Variants in CCDC171 observed in about 807,000 individuals in gnomAD.
CCDC171 encodes coiled-coil domain-containing protein 171.
CCDC171 carries 177 observed loss-of-function variants against 168.2 expected under a neutral mutation model. That is an observed-to-expected ratio of 1.05 (90% confidence interval 0.93 to 1.19). The LOEUF (loss-of-function observed/expected upper bound fraction) is 1.19. Ranked by LOEUF, CCDC171 falls within the 50% of genes most tolerant of loss-of-function variation. The pLI is 0.00. For synonymous variants in CCDC171, 687 were observed against 540.8 expected (o/e 1.27, Z -3.75); for missense variants, 1,991 against 1,539.0 (o/e 1.29, Z -4.91).
At chr9:15,888,949 C>CTTTTTTTTTTTTTTTTTT (rs371508341) in intron 24 of CCDC171, 4 of 73,344 alleles carry the variant, frequency 5.5e-5, no homozygotes, top group South Asian at 5.5e-4. Flanking sequence ...TTTTTCTTTT[C>CTTTTTTTTTTTTTTTTTT]TTTTTTTTTT....
At chr9:15,995,001 C>G (rs61073421) in intron 3 of CCDC171, among the ~76,000 whole-genome samples, 11,632 of 152,170 alleles carry the variant, frequency 0.076, 1,456 homozygotes, top group African/African-American at 0.27. Context: ...AGAGGTTGTG[C>G]CAGGCATGCC....
chr9:15,671,187 C>G (rs1350360070), intron 9 of CCDC171, among the ~76,000 whole-genome samples: 1 of 152,064 alleles, frequency 6.6e-6, no homozygotes, highest in Non-Finnish European at 1.5e-5. Flanking sequence ...TGTGATTAAC[C>G]AATCACTTAT....
chr9:15,832,389 G>T (rs577995776), intron 21 of CCDC171, among the ~76,000 whole-genome samples: 1 of 152,220 alleles, frequency 6.6e-6, no homozygotes, highest in South Asian at 2.1e-4. Flanking sequence ...CAATTTTGTT[G>T]TACAAACATC....
intron 23 of CCDC171, among the ~76,000 whole-genome samples, chr9:15,852,672 T>C (rs983369918): frequency 1.3e-5 from 2 of 151,744 alleles, no homozygotes; most frequent in Non-Finnish European, 3.0e-5. Context: ...GTCGTGAAGC[T>C]TTCCCCTCTG....
In CCDC171 at chr9:15,874,527, T is replaced by C. The variant is rs932928980; in HGVS notation, c.3469-5T>C. On this transcript the variant is annotated splice_polypyrimidine_tract_variant and splice_region_variant and intron_variant, in intron 23 of 25. Transcript: ENST00000380701. ...TTACCATTGATGCTGTTTTTTTCCC[T>C]TTAGGTCAGAGATCAGATCTCGCTG... 8.4e-5 allele frequency: 133 copies of C among 1,590,036 alleles called. No homozygotes were observed. The highest frequency in any genetic ancestry group is 1.1e-4 in the Non-Finnish European group (124 of 1,168,906).
chr9:16,105,471 C>A, the CCDC171 span, among the ~76,000 whole-genome samples: 3 of 152,220 alleles, frequency 2.0e-5, 1 homozygote. Context: ...TTCTCTTTTT[C>A]AGTGGCACTG....
chr9:15,889,017 A>C (rs1179173269), intron 24 of CCDC171: 1 of 126,976 alleles, frequency 7.9e-6, no homozygotes, highest in Non-Finnish European at 1.5e-5. Flanking sequence ...GGAGTGCAGC[A>C]GTGCGATCTC....
At position 15,745,728 on chromosome 9, in the gene CCDC171, A is replaced by C. The variant is rs2055226161; in HGVS notation, c.2671+97A>C. The C allele has an allele frequency of 6.2e-6, 4 of 646,402 alleles. No individual in the cohort carries two copies. The East Asian group carries it at 1.2e-4, about 19-fold the overall frequency. The allele number at this position is 646,402 out of a possible 1,614,324, so 40.0% of individuals were successfully genotyped here. ...AATTCTAATAAAACATATAGGGGGA[A>C]ATATATTTGTTTTTATCTTTATTTT... On this transcript the variant is annotated intron_variant, in intron 18 of 25. Transcript: ENST00000380701.
upstream of CCDC171, among the ~76,000 whole-genome samples, chr9:16,038,836 G>C (rs1476483192): frequency 3.5e-4 from 3 of 8,650 alleles, no homozygotes; most frequent in South Asian, 2.7e-3. Flanking sequence ...AACAAAAACA[G>C]AAAAAAAAAT....
upstream of CCDC171, among the ~76,000 whole-genome samples, chr9:16,041,404 G>A (rs900164091): frequency 2.0e-5 from 3 of 152,204 alleles, no homozygotes; most frequent in African/African-American, 7.2e-5. Context: ...GCTCATGCAG[G>A]AGAAAAGGAA....
chr9:15,815,248 T>C (rs9406537), intron 21 of CCDC171, among the ~76,000 whole-genome samples: 69,715 of 151,628 alleles, frequency 0.46, 16,356 homozygotes, highest in African/African-American at 0.53. Flanking sequence ...TCCTTGCCTT[T>C]CTGTAGCTGC....
intron 25 of CCDC171, among the ~76,000 whole-genome samples, chr9:15,954,049 T>G (rs1333953676): frequency 1.3e-5 from 2 of 151,968 alleles, no homozygotes; most frequent in African/African-American, 4.8e-5. Flanking sequence ...ATTAGTAATT[T>G]GAGTTTCTTT....
intron 25 of CCDC171, among the ~76,000 whole-genome samples, chr9:15,923,838 A>G (rs538080315): frequency 6.6e-6 from 1 of 151,504 alleles, no homozygotes; most frequent in African/African-American, 2.4e-5. Flanking sequence ...GGTTATTGTT[A>G]TTAGTTTAGT....
At chr9:15,783,706 T>C (rs574957433) in intron 20 of CCDC171, among the ~76,000 whole-genome samples, 27 of 152,350 alleles carry the variant, frequency 1.8e-4, no homozygotes, top group Admixed American at 1.3e-3. Context: ...CCTTGGATTC[T>C]CCATCCCTGT....
intron 25 of CCDC171, among the ~76,000 whole-genome samples, chr9:15,923,011 G>C (rs948190700): frequency 1.3e-5 from 2 of 151,590 alleles, no homozygotes; most frequent in African/African-American, 4.8e-5. Flanking sequence ...CCTGTAGGTT[G>C]TCTCTTCACT....
At chr9:15,716,269 G>A (rs917799374) in intron 11 of CCDC171, among the ~76,000 whole-genome samples, 6 of 152,074 alleles carry the variant, frequency 3.9e-5, no homozygotes, top group Non-Finnish European at 7.3e-5. Flanking sequence ...TCTTCATTTG[G>A]AATTTCACTT....
chr9:15,827,013 T>C (rs2060041128), intron 21 of CCDC171, among the ~76,000 whole-genome samples: 1 of 152,192 alleles, frequency 6.6e-6, no homozygotes, highest in Non-Finnish European at 1.5e-5. Context: ...TCTTTGTATA[T>C]AGTTAAGAGT....
intron 21 of CCDC171, among the ~76,000 whole-genome samples, chr9:15,826,326 CT>C (rs34040261): frequency 2.7e-5 from 4 of 150,486 alleles, no homozygotes; most frequent in East Asian, 1.9e-4. Context: ...TTTGTTGATC[CT>C]TTTTTTTTAT....
chr9:15,762,096 G>A (rs931044295), intron 18 of CCDC171, among the ~76,000 whole-genome samples: 2 of 149,810 alleles, frequency 1.3e-5, no homozygotes, highest in Non-Finnish European at 3.0e-5. Flanking sequence ...GCATAGATGA[G>A]GCTTGAACAC....
Sources: allele counts gnomAD v4.1 joint callset (sites outside exome capture counted in the v4.1 genomes callset), GRCh38; gene constraint gnomAD v4.1.1; transcripts MANE v1.5; gene names NCBI Gene and HGNC (gene_info 2026-07-23, HGNC 2026-07-21).